ALKBH7: variants seen among roughly 807,000 people sequenced by gnomAD.
ALKBH7 encodes the protein alkB homolog 7, RNA demethylase, also known as RNA demethylase ALKBH7, mitochondrial.
A neutral mutation model predicts 19.3 loss-of-function variants in ALKBH7; 21 were observed. The ratio of observed to expected loss-of-function variants is 1.09; its 90% CI spans 0.77 to 1.56. The LOEUF (loss-of-function observed/expected upper bound fraction) is 1.56, where lower values mean the gene tolerates loss of function less well. ALKBH7 is among the 40% of genes most tolerant of loss of function. ALKBH7 has a pLI of 0.00. For synonymous variants in ALKBH7, 147 were observed against 139.5 expected, an observed-to-expected ratio of 1.05 and a Z score of -0.38; for missense variants, 354 against 311.4, an observed-to-expected ratio of 1.14 and a Z score of -1.03.
intron 1 of ALKBH7, among the ~76,000 whole-genome samples, chr19:6,373,227 T>A: frequency 1.3e-5 from 1 of 74,364 alleles, no homozygotes; most frequent in Non-Finnish European, 2.7e-5. Context: ...GGGGCGGGGC[T>A]ACGGTGCTGG....
chr19:6,375,128 C>G lies in ALKBH7; in HGVS notation c.*155C>G. On this transcript the variant is annotated 3_prime_UTR_variant, in exon 4 of 4. Coordinates refer to ENST00000245812, the MANE Select transcript of ALKBH7 (RefSeq NM_032306.4). Reference sequence around the variant, plus strand: ...GGAGCTCCAGGTGTGGCTGGCTGGACACATGGTCAAAGTCACAAGGCCGGG... The same window carrying G: ...GGAGCTCCAGGTGTGGCTGGCTGGAGACATGGTCAAAGTCACAAGGCCGGG... 2.3e-6 allele frequency: 3 copies of G among 1,313,524 alleles called. No homozygotes were observed. The highest frequency in any genetic ancestry group is 3.0e-6 in the Non-Finnish European group (3 of 993,410). The allele number at this position is 1,313,524 out of a possible 1,614,324, so 81.4% of individuals were successfully genotyped here.
At position 6,372,987 on chromosome 19, in the gene ALKBH7, T is replaced by C. The variant is rs1437368385; in HGVS notation, c.167T>C (p.Leu56Pro). The C allele has an allele frequency of 7.0e-6, 11 of 1,573,702 alleles. No homozygotes were observed. Among genetic ancestry groups the C allele is most frequent in the African/African-American group, 1.4e-5 (1 of 73,988 alleles). ...CTGAGCCGAGAACTGGAGCCCGAGCTGCGCCGCCGCCGCTACGAATACGAT... is the reference window on the plus strand; with the variant it reads ...CTGAGCCGAGAACTGGAGCCCGAGCCGCGCCGCCGCCGCTACGAATACGAT... ...ETLSRELEPE[L>P]RRRRYEYDHW... The change falls in exon 1 of 4, where the codon CTG (leucine) becomes CCG (proline). Residue 56 changes from leucine (L) to proline (P), a missense_variant. Physicochemically the swap from Leu to Pro is moderately conservative, Grantham distance 98. Transcript: ENST00000245812.
At position 6,374,367 on chromosome 19, in the gene ALKBH7, C is replaced by G; in HGVS notation, c.369C>G (p.Asp123Glu). Reference protein sequence around the residue: ...EARGYIKPHVDSIKFCGATIA... With the variant: ...EARGYIKPHVESIKFCGATIA... ...GCGGCTACATCAAGCCCCACGTGGA[C>G]AGCATCAAGGTGGGCAGAGGACGGT... Residue 123 changes from aspartate (D) to glutamate (E), a missense_variant, in exon 2 of 4, where the codon GAC becomes GAG. Asp to Glu is a conservative substitution (Grantham distance 45). Coordinates refer to ENST00000245812, the MANE Select transcript of ALKBH7 (RefSeq NM_032306.4). 2 of 1,609,174 alleles carry G rather than the reference C, an allele frequency of 1.2e-6. No homozygotes were observed. Among genetic ancestry groups the G allele is most frequent in the Non-Finnish European group, 1.7e-6 (2 of 1,177,916 alleles).
chr19:6,374,120 C>G (rs1216497482), intron 1 of ALKBH7, 83 bp from the exon 2 acceptor site: 1 of 1,583,730 alleles, frequency 6.3e-7, no homozygotes. Context: ...GGAAACCAGC[C>G]CCTTGCCGTT....
At position 6,372,848 on chromosome 19, in the gene ALKBH7, C is replaced by T. The variant is rs756030904; in HGVS notation, c.28C>T (p.Arg10Trp). 9.7e-6 allele frequency: 15 copies of T among 1,548,012 alleles called. 1 individual carries two copies. In the South Asian group the frequency reaches 1.8e-4, roughly 18 times the overall value. Residue 10 changes from arginine (R) to tryptophan (W), a missense_variant, in exon 1 of 4, where the codon CGG (arginine) becomes TGG (tryptophan). By Grantham distance (101) the Arg-to-Trp change is moderately radical (BLOSUM62 -3). Coordinates refer to ENST00000245812, the MANE Select transcript of ALKBH7 (RefSeq NM_032306.4). MAGTGLLALRTLPGPSWVRG... is the reference protein window; with the variant it reads MAGTGLLALWTLPGPSWVRG... ...GGCCGGGACTGGGCTGCTGGCGCTG[C>T]GGACGCTGCCAGGGCCCAGCTGGGT... is the stretch of plus-strand genomic sequence containing the variant.
intron 1 of ALKBH7, chr19:6,373,519 T>C: frequency 1.5e-6 from 1 of 646,388 alleles, no homozygotes; most frequent in Non-Finnish European, 2.2e-6. Flanking sequence ...GCAGTTACAG[T>C]GCAGAAGAAC....
intron 1 of ALKBH7, chr19:6,373,548 G>T: frequency 1.1e-6 from 1 of 893,198 alleles, no homozygotes; most frequent in Non-Finnish European, 1.5e-6. Flanking sequence ...TGGGATTGGG[G>T]CGTGGTCAGG....
At position 6,372,842 on chromosome 19, in the gene ALKBH7, G is replaced by T. The variant is rs2091897146; in HGVS notation, c.22G>T (p.Ala8Ser). MAGTGLL[A>S]LRTLPGPSWV... ...GATTATGGCCGGGACTGGGCTGCTG[G>T]CGCTGCGGACGCTGCCAGGGCCCAG... Residue 8 changes from alanine to serine, a missense_variant, in exon 1 of 4, where the codon GCG becomes TCG. Coordinates refer to ENST00000245812, the MANE Select transcript of ALKBH7 (RefSeq NM_032306.4). The T allele has an allele frequency of 1.3e-6, 2 of 1,547,052 alleles. No homozygotes were observed. Among genetic ancestry groups the T allele is most frequent in the Non-Finnish European group, 8.7e-7 (1 of 1,150,292 alleles).
At position 6,372,879 on chromosome 19, in the gene ALKBH7, G is replaced by A. The variant is rs745400485; in HGVS notation, c.59G>A (p.Gly20Asp). The A allele has an allele frequency of 2.6e-6, 4 of 1,550,532 alleles. No individual in the cohort carries two copies. The highest frequency in any genetic ancestry group is 4.8e-5 in the East Asian group (2 of 41,490). Residue 20 changes from glycine (G) to aspartate (D), a missense_variant, in exon 1 of 4, where the codon GGC becomes GAC. Gly to Asp is a moderately conservative substitution (Grantham distance 94). Transcript: ENST00000245812. ...RTLPGPSWVR[G>D]SGPSVLSRLQ... ...CTGCCAGGGCCCAGCTGGGTGCGAG[G>A]CTCGGGCCCTTCCGTGCTGAGCCGC...
At position 6,373,095 on chromosome 19, in the gene ALKBH7, AG is replaced by A; in HGVS notation, c.204+72del. On this transcript the variant is annotated intron_variant, in intron 1 of 3. Transcript: ENST00000245812. ...GCGCGGCCTGGGGACGTGGAGCATC[AG>A]ATGGGGCGGGGACACGCTGGGGGCG... is the stretch of plus-strand genomic sequence containing the variant. 2.0e-6 allele frequency: 3 copies of A among 1,495,162 alleles called. No individual in the cohort carries two copies. The East Asian group carries it at 7.5e-5, about 37-fold the overall frequency. The allele number at this position is 1,495,162 out of a possible 1,614,324, so 92.6% of individuals were successfully genotyped here.
At position 6,375,117 on chromosome 19, in the gene ALKBH7, G is replaced by T. The variant is rs2091915281; in HGVS notation, c.*144G>T. 7.5e-7 allele frequency: 1 copy of T among 1,325,360 alleles called. No individual in the cohort carries two copies. Among genetic ancestry groups the T allele is most frequent in the Non-Finnish European group, 1.0e-6 (1 of 1,003,506 alleles). 82.1% of individuals were successfully genotyped at this position (1,325,360 alleles called of 1,614,324 possible). A position where few individuals can be genotyped will look rare whatever the true frequency, so the allele number is the denominator to read the frequency against. On this transcript the variant is annotated 3_prime_UTR_variant, in exon 4 of 4. Coordinates refer to ENST00000245812, the MANE Select transcript of ALKBH7 (RefSeq NM_032306.4). ...CTGGCCCATAGGGAGCTCCAGGTGTGGCTGGCTGGACACATGGTCAAAGTC... is the reference window on the plus strand; with the variant it reads ...CTGGCCCATAGGGAGCTCCAGGTGTTGCTGGCTGGACACATGGTCAAAGTC...
In ALKBH7 at chr19:6,372,948, C is replaced by G. The variant is rs756127749; in HGVS notation, c.128C>G (p.Ala43Gly). The G allele has an allele frequency of 3.2e-6, 5 of 1,572,724 alleles. No homozygotes were observed. The highest frequency in any genetic ancestry group is 4.3e-6 in the Non-Finnish European group (5 of 1,162,024). Residue 43 changes from alanine (A) to glycine (G), a missense_variant, in exon 1 of 4, where the codon GCA (alanine) becomes GGA (glycine). By Grantham distance (60) the Ala-to-Gly change is moderately conservative. Transcript: ENST00000245812. ...AVVRPGFLST[A>G]EEETLSRELE... ...GTGCGGCCTGGCTTCCTGAGCACGG[C>G]AGAGGAGGAGACGCTGAGCCGAGAA...
rs753362202 is a variant in ALKBH7 at position 6,374,904 on chromosome 19, C to G, written c.597C>G (p.Ser199=). Reference sequence around the variant, plus strand: ...GGATTCCCCGGGGCCGGCGCATCTCCGTGATCTGCCGCTCCCTCCCTGAGG... The same window carrying G: ...GGATTCCCCGGGGCCGGCGCATCTCGGTGATCTGCCGCTCCCTCCCTGAGG... The part of the protein sequence containing the change: ...ERRIPRGRRI[S]VICRSLPEGM... The change falls in exon 4 of 4, where the codon TCC becomes TCG. Residue 199 remains serine (S), a synonymous_variant. Transcript: ENST00000245812. 2.1e-5 allele frequency: 34 copies of G among 1,613,892 alleles called. No individual in the cohort carries two copies. Among genetic ancestry groups the G allele is most frequent in the Non-Finnish European group, 2.9e-5 (34 of 1,179,984 alleles).
Position 6,374,542 on chromosome 19 carries a change from G to A in ALKBH7, c.456G>A (p.Gly152=). Residue 152 remains glycine (G), a synonymous_variant, in exon 3 of 4, where the codon GGG becomes GGA. Coordinates refer to ENST00000245812, the MANE Select transcript of ALKBH7 (RefSeq NM_032306.4). ...GGCTGGTGCACACCCAGGAGCCGGG[G>A]GAGTGGCTGGAACTCTTGCTGGAGC... is the stretch of plus-strand genomic sequence containing the variant. ...VMRLVHTQEP[G]EWLELLLEPG... is the part of the protein sequence containing the mutation. 2 of 1,613,884 alleles carry A rather than the reference G, an allele frequency of 1.2e-6. No homozygotes were observed. The highest frequency in any genetic ancestry group is 1.7e-6 in the Non-Finnish European group (2 of 1,179,962).
In ALKBH7 at chr19:6,372,941, A is replaced by T. The variant is rs1568325165; in HGVS notation, c.121A>T (p.Ser41Cys). Residue 41 changes from serine to cysteine, a missense_variant, in exon 1 of 4, where the codon AGC (serine) becomes TGC (cysteine). Ser to Cys is a moderately radical substitution (Grantham distance 112). Transcript: ENST00000245812. ...DAAVVRPGFLSTAEEETLSRE... is the reference protein window; with the variant it reads ...DAAVVRPGFLCTAEEETLSRE... ...GGCCGTGGTGCGGCCTGGCTTCCTG[A>T]GCACGGCAGAGGAGGAGACGCTGAG... is the stretch of plus-strand genomic sequence containing the variant. 6.4e-7 allele frequency: 1 copy of T among 1,570,336 alleles called. No individual in the cohort carries two copies. Among genetic ancestry groups the T allele is most frequent in the Admixed American group, 1.9e-5 (1 of 53,598 alleles).
rs1599203192 is a variant in ALKBH7, at chr19:6,374,529, C to T, written c.443C>T (p.Thr148Ile). ...LSPSVMRLVHTQEPGEWLELL... is the reference protein window; with the variant it reads ...LSPSVMRLVHIQEPGEWLELL... Reference sequence around the variant, plus strand: ...CCCAGCGTTATGCGGCTGGTGCACACCCAGGAGCCGGGGGAGTGGCTGGAA... The same window carrying T: ...CCCAGCGTTATGCGGCTGGTGCACATCCAGGAGCCGGGGGAGTGGCTGGAA... Residue 148 changes from threonine (T) to isoleucine (I), a missense_variant, in exon 3 of 4, where the codon ACC becomes ATC. Physicochemically the swap from Thr to Ile is moderately conservative, Grantham distance 89. Transcript: ENST00000245812. The T allele has an allele frequency of 2.5e-6, 4 of 1,613,990 alleles. No individual in the cohort carries two copies. In the East Asian group the frequency reaches 8.9e-5, roughly 36 times the overall value.
At position 6,374,858 on chromosome 19, in the gene ALKBH7, A is replaced by C. The variant is rs756782203; in HGVS notation, c.551A>C (p.Glu184Ala). 19 of 1,613,942 alleles carry C rather than the reference A, an allele frequency of 1.2e-5. No homozygotes were observed. The highest frequency in any genetic ancestry group is 1.6e-5 in the Non-Finnish European group (19 of 1,179,980). Residue 184 changes from glutamate (E) to alanine (A), a missense_variant, in exon 4 of 4, where the codon GAG (glutamate) becomes GCG (alanine). Physicochemically the swap from Glu to Ala is moderately radical, Grantham distance 107. Coordinates refer to ENST00000245812, the MANE Select transcript of ALKBH7 (RefSeq NM_032306.4). Reference protein sequence around the residue: ...DFSHEILRDEESFFGERRIPR... With the variant: ...DFSHEILRDEASFFGERRIPR... ...TCCCATGAGATCCTTCGGGATGAAGAGTCCTTCTTTGGGGAACGCCGGATT... is the reference window on the plus strand; with the variant it reads ...TCCCATGAGATCCTTCGGGATGAAGCGTCCTTCTTTGGGGAACGCCGGATT...
rs1378724289 is a variant in ALKBH7 at position 6,372,794 on chromosome 19, C to A, written c.-27C>A. ...TGGCGGGGGCGTTCCCCAACCCTGC[C>A]CTCTCTCATGACCCCGCTCCGGGAT... On this transcript the variant is annotated 5_prime_UTR_variant, in exon 1 of 4. Coordinates refer to ENST00000245812, the MANE Select transcript of ALKBH7 (RefSeq NM_032306.4). The A allele has an allele frequency of 3.3e-6, 5 of 1,534,482 alleles. No homozygotes were observed. Among genetic ancestry groups the A allele is most frequent in the East Asian group, 5.1e-5 (2 of 39,288 alleles).
chr19:6,375,058 G>A lies in ALKBH7; in HGVS notation c.*85G>A. 6.7e-7 allele frequency: 1 copy of A among 1,488,314 alleles called. No individual in the cohort carries two copies. The highest frequency in any genetic ancestry group is 1.4e-5 in the African/African-American group (1 of 71,854). The allele number at this position is 1,488,314 out of a possible 1,614,324, so 92.2% of individuals were successfully genotyped here. A position where few individuals can be genotyped will look rare whatever the true frequency, so the allele number is the denominator to read the frequency against. ...TGGGACATTGCAGTGGCTGCTTGCT[G>A]GGGCCGGGATTTGCAGGGGAACCCA... is the stretch of plus-strand genomic sequence containing the variant. On this transcript the variant is annotated 3_prime_UTR_variant, in exon 4 of 4. Coordinates refer to ENST00000245812, the MANE Select transcript of ALKBH7 (RefSeq NM_032306.4).
Sources: gnomAD v4.1 joint callset for allele counts (sites outside exome capture counted in the v4.1 genomes callset) on GRCh38, gnomAD v4.1.1 for gene constraint, MANE v1.5 for transcripts, NCBI Gene and HGNC (gene_info 2026-07-23, HGNC 2026-07-21) for gene names.